Variants in FKBP15 observed in about 807,000 individuals in gnomAD.
FKBP15 encodes FKBP prolyl isomerase family member 15, also known as FK506-binding protein 15.
Under a neutral mutation model 158.1 loss-of-function variants are expected in FKBP15, and 106 were observed. That is an observed-to-expected ratio of 0.67 (90% CI 0.57 to 0.79). The LOEUF (loss-of-function observed/expected upper bound fraction) is 0.79, where lower values mean the gene tolerates loss of function less well. FKBP15 is among the 30% of genes least tolerant of loss of function. The pLI, the probability that FKBP15 is intolerant of heterozygous loss-of-function variation, is 0.00. For missense variants in FKBP15, 1,287 were observed against 1,479.1 expected, an observed-to-expected ratio of 0.87 and a Z score of 2.13; for synonymous variants, 547 against 548.6, an observed-to-expected ratio of 1.00 and a Z score of 0.04.
chr9:113,172,257 A>G (rs1243347178), intron 23 of FKBP15, among the ~76,000 whole-genome samples: 1 of 152,182 alleles, frequency 6.6e-6, no homozygotes. Flanking sequence ...ACTGATGGAC[A>G]TTTGGGTTGG....
In FKBP15 at chr9:113,199,882, C is replaced by G. The variant is rs1208735901; in HGVS notation, c.580G>C (p.Val194Leu). ...ACTTCCAAAGAATCTCCAACTTCTA[C>G]AGCAGGGCCGTCTGCCACAATGAGG... ...QDLIVADGPA[V>L]EVGDSLEVAY... The change falls in exon 7 of 28, where the codon GTA (valine) becomes CTA (leucine). Residue 194 changes from valine to leucine, a missense_variant. Coordinates refer to ENST00000238256, the MANE Select transcript of FKBP15 (RefSeq NM_015258.2). 1 of 1,613,162 alleles carries G rather than the reference C, an allele frequency of 6.2e-7. No individual in the cohort carries two copies. The highest frequency in any genetic ancestry group is 8.5e-7 in the Non-Finnish European group (1 of 1,179,628).
rs762057982 is a variant in FKBP15 at position 113,211,510 on chromosome 9, G to C, written c.136C>G (p.Gln46Glu). 3.7e-6 allele frequency: 6 copies of C among 1,609,266 alleles called. No individual in the cohort carries two copies. In the African/African-American group the frequency reaches 6.7e-5, roughly 18 times the overall value. ...GCCGTTCCCTGGCCTTTCTTAGGCT[G>C]TTTTGGGGCTGTGTACTGGAAAAAT... The part of the protein sequence containing the change: ...NEFFQYTAPK[Q>E]PKKGQGTAAT... The change falls in exon 2 of 28, where the codon CAG becomes GAG. Residue 46 changes from glutamine to glutamate, a missense_variant. Transcript: ENST00000238256.
chr9:113,209,113 C>G (rs1830953293), intron 2 of FKBP15, among the ~76,000 whole-genome samples: 1 of 151,406 alleles, frequency 6.6e-6, no homozygotes, highest in African/African-American at 2.4e-5. Flanking sequence ...AATCTTGCTT[C>G]TATAGCTCCC....
intron 23 of FKBP15, 45 bp downstream of exon 23, chr9:113,173,408 A>G (rs765593727): frequency 1.9e-6 from 3 of 1,585,494 alleles, no homozygotes; most frequent in Non-Finnish European, 2.6e-6. Flanking sequence ...CTTGCCTCAA[A>G]TTAACTGGGC....
chr9:113,221,182 G>C lies in FKBP15; in HGVS notation c.53+9C>G. 6.2e-7 allele frequency: 1 copy of C among 1,604,198 alleles called. No homozygotes were observed. Among genetic ancestry groups the C allele is most frequent in the Non-Finnish European group, 8.5e-7 (1 of 1,175,110 alleles). On this transcript the variant is annotated intron_variant, in intron 1 of 27. Transcript: ENST00000238256. The stretch of plus-strand genomic sequence containing the variant: ...CACGCCCTCCAGCGCATACTTCTCA[G>C]TCACTCACCCGCCGCTCGGCGAGAG...
chr9:113,197,781 C>G (rs1039998230), intron 8 of FKBP15, among the ~76,000 whole-genome samples: 2 of 152,220 alleles, frequency 1.3e-5, no homozygotes, highest in Non-Finnish European at 2.9e-5. Context: ...CCCCATTTTA[C>G]TTCAATAACT....
chr9:113,202,917 C>A, intron 5 of FKBP15, 44 bp downstream of exon 5: 1 of 1,471,776 alleles, frequency 6.8e-7, no homozygotes, highest in Non-Finnish European at 9.4e-7. Context: ...CTCCTGTAAA[C>A]CTATCCCGAA....
intron 14 of FKBP15, 57 bp downstream of exon 14, chr9:113,187,735 GA>G (rs1378925984): frequency 1.5e-6 from 2 of 1,329,288 alleles, no homozygotes; most frequent in Non-Finnish European, 2.1e-6. Context: ...GAAGAAAAGA[GA>G]CTGACTAGAA....
At chr9:113,167,414 T>C (rs1830115851) in intron 27 of FKBP15, among the ~76,000 whole-genome samples, 1 of 152,186 alleles carries the variant, frequency 6.6e-6, no homozygotes, top group Non-Finnish European at 1.5e-5. Context: ...ATACTCAATT[T>C]GGTTTTTCCC....
chr9:113,179,292 T>G (rs1228638252), intron 19 of FKBP15, among the ~76,000 whole-genome samples: 5 of 152,198 alleles, frequency 3.3e-5, no homozygotes, highest in African/African-American at 1.2e-4. Flanking sequence ...TTAAATATAT[T>G]TATTCCTCGC....
chr9:113,193,537 A>C lies in FKBP15; in HGVS notation c.1020T>G (p.Leu340=), dbSNP rs1312526452. 4 of 1,598,824 alleles carry C rather than the reference A, an allele frequency of 2.5e-6. No individual in the cohort carries two copies. In the Admixed American group the frequency reaches 6.9e-5, roughly 28 times the overall value. ...CACTGAGGGAGTTAGATTTGGTACG[A>C]AGAGCTGGCTCCCTGAAAGCAAATA... The part of the protein sequence containing the change: ...SIPFKSGEPA[L]RTKSNSLSEQ... Residue 340 remains leucine (L), a synonymous_variant, in exon 11 of 28, where the codon CTT becomes CTG. Coordinates refer to ENST00000238256, the MANE Select transcript of FKBP15 (RefSeq NM_015258.2).
chr9:113,197,674 A>G (rs934894822), intron 8 of FKBP15, among the ~76,000 whole-genome samples: 1 of 152,146 alleles, frequency 6.6e-6, no homozygotes, highest in Non-Finnish European at 1.5e-5. Flanking sequence ...GTTTCCCCCC[A>G]CCAAAAAAGA....
intron 27 of FKBP15, among the ~76,000 whole-genome samples, chr9:113,167,777 T>G (rs937240749): frequency 2.6e-5 from 4 of 152,218 alleles, no homozygotes; most frequent in African/African-American, 9.6e-5. Context: ...GGTTGTAACC[T>G]AGCACAGCGG....
rs528036424 is a variant in FKBP15, at chr9:113,171,434, A to C, written c.2658+147T>G. 44 of 1,107,538 alleles carry C rather than the reference A, an allele frequency of 4.0e-5. No individual in the cohort carries two copies. The Middle Eastern group carries it at 6.4e-4, about 16-fold the overall frequency. 68.6% of individuals were successfully genotyped at this position (1,107,538 alleles called of 1,614,324 possible). On this transcript the variant is annotated intron_variant, in intron 24 of 27. Transcript: ENST00000238256. The stretch of plus-strand genomic sequence containing the variant: ...AGTGAGACTCCGTCTCAAACAAACA[A>C]ACACCAAATCTGGTTCATTTTAAAG...
At chr9:113,172,486 T>G (rs1001837147) in intron 23 of FKBP15, among the ~76,000 whole-genome samples, 1 of 152,160 alleles carries the variant, frequency 6.6e-6, no homozygotes, top group Non-Finnish European at 1.5e-5. Context: ...GCGTTCCTAT[T>G]TCTCCACATC....
chr9:113,169,726 G>A lies in FKBP15; in HGVS notation c.2983C>T (p.Pro995Ser). The A allele has an allele frequency of 6.2e-7, 1 of 1,613,554 alleles. No homozygotes were observed. Among genetic ancestry groups the A allele is most frequent in the African/African-American group, 1.3e-5 (1 of 75,044 alleles). ...EQVVEEAVPL[P>S]PQALTTSQDG... ...TGGGAAGTGGTGAGGGCCTGAGGAG[G>A]CAACGGGACAGCTTCCTCGACCACC... is the stretch of plus-strand genomic sequence containing the variant. Residue 995 changes from proline (P) to serine (S), a missense_variant, in exon 26 of 28, where the codon CCT (proline) becomes TCT (serine). Pro to Ser is a moderately conservative substitution (Grantham distance 74). Coordinates refer to ENST00000238256, the MANE Select transcript of FKBP15 (RefSeq NM_015258.2).
chr9:113,171,089 GTATT>G (rs1207602802), intron 24 of FKBP15, among the ~76,000 whole-genome samples: 6 of 152,214 alleles, frequency 3.9e-5, no homozygotes, highest in African/African-American at 1.4e-4. Context: ...ATGTAAGTAT[GTATT>G]TGTTTGTTTT....
intron 19 of FKBP15, among the ~76,000 whole-genome samples, chr9:113,181,611 A>C (rs1386470551): frequency 3.9e-5 from 6 of 152,224 alleles, no homozygotes; most frequent in African/African-American, 1.4e-4. Context: ...AAGCACCCCA[A>C]GTAAGTCGGA....
At position 113,217,459 on chromosome 9, in the gene FKBP15, G is replaced by A. The variant is rs535587276; in HGVS notation, c.53+3732C>T. ...ACTCCTGACCTCATGATCCACCTGC[G>A]TTGGCCTCCCAAAGTGCTGGGATTA... On this transcript the variant is annotated intron_variant, in intron 1 of 27. Transcript: ENST00000238256. Among the ~76,000 whole-genome samples the A allele has an allele frequency of 1.3e-4, 19 of 150,078 alleles. No homozygotes were observed. The East Asian group carries it at 3.4e-3, about 27-fold the overall frequency.
Sources: allele counts gnomAD v4.1 joint callset (sites outside exome capture counted in the v4.1 genomes callset), GRCh38; gene constraint gnomAD v4.1.1; transcripts MANE v1.5; gene names NCBI Gene and HGNC (gene_info 2026-07-23, HGNC 2026-07-21).